The following BFAR variants were observed in gnomAD, a reference collection of about 807,000 sequenced individuals.
The protein encoded by BFAR is RING finger protein 47.
In BFAR, 52 loss-of-function variants were observed where a neutral mutation model predicts 54.4. That is an observed-to-expected ratio of 0.96 (90% CI 0.77 to 1.21). The LOEUF (loss-of-function observed/expected upper bound fraction) is 1.21. BFAR is among the 50% of genes most tolerant of loss of function. BFAR has a pLI of 0.00. For synonymous variants in BFAR, 215 were observed against 204.3 expected, an observed-to-expected ratio of 1.05 and a Z score of -0.45; for missense variants, 571 against 534.0, an observed-to-expected ratio of 1.07 and a Z score of -0.68.
chr16:14,655,185 C>T lies in BFAR; in HGVS notation c.758C>T (p.Pro253Leu), dbSNP rs142229539. 1.3e-4 allele frequency: 207 copies of T among 1,551,052 alleles called. 1 individual carries two copies. The highest frequency in any genetic ancestry group is 1.6e-4 in the Non-Finnish European group (188 of 1,151,300). Reference protein sequence around the residue: ...LERVKALGVKPPQNLWEYKAV... With the variant: ...LERVKALGVKLPQNLWEYKAV... ...CGTGTCAAAGCATTAGGCGTGAAGC[C>T]CCCCCAGAATCTCTGGGAATATAAG... The change falls in exon 5 of 8, where the codon CCC becomes CTC. Residue 253 changes from proline (P) to leucine (L), a missense_variant. Pro to Leu is a moderately conservative substitution (Grantham distance 98). Coordinates refer to ENST00000261658, the MANE Select transcript of BFAR (RefSeq NM_016561.3).
At chr16:14,656,876 G>T (rs1018120033) in intron 5 of BFAR, among the ~76,000 whole-genome samples, 3 of 152,010 alleles carry the variant, frequency 2.0e-5, no homozygotes, top group African/African-American at 7.3e-5. Context: ...GCCGAGGCAG[G>T]CTGATCACTT....
chr16:14,664,408 AAAC>A (rs1481581883), intron 6 of BFAR, among the ~76,000 whole-genome samples: 1 of 151,834 alleles, frequency 6.6e-6, no homozygotes, highest in African/African-American at 2.4e-5. Flanking sequence ...AAAAAAAAAA[AAAC>A]AATTACAAGA....
At chr16:14,639,369 G>A (rs1959552198) in intron 1 of BFAR, among the ~76,000 whole-genome samples, 1 of 151,862 alleles carries the variant, frequency 6.6e-6, no homozygotes, top group Admixed American at 6.6e-5. Flanking sequence ...GTGCAGTGGT[G>A]CAATCTTGTA....
intron 6 of BFAR, among the ~76,000 whole-genome samples, chr16:14,662,352 G>T (rs980332470): frequency 1.3e-5 from 2 of 151,828 alleles, no homozygotes; most frequent in African/African-American, 4.8e-5. Flanking sequence ...TTCCCCCAAA[G>T]ACCCTTGTAA....
chr16:14,648,626 C>T (rs766792838), intron 3 of BFAR, 34 bp downstream of exon 3: 11 of 1,283,896 alleles, frequency 8.6e-6, no homozygotes, highest in African/African-American at 3.2e-5. Flanking sequence ...TGTGCCCCCC[C>T]ACACCTCACC....
At chr16:14,663,578 T>G (rs1360040441) in intron 6 of BFAR, among the ~76,000 whole-genome samples, 1 of 149,018 alleles carries the variant, frequency 6.7e-6, no homozygotes, top group Non-Finnish European at 1.5e-5. Context: ...TAATCCGCCC[T>G]CCTCAGCCTC....
At chr16:14,664,082 A>C (rs936587762) in intron 6 of BFAR, among the ~76,000 whole-genome samples, 2 of 152,116 alleles carry the variant, frequency 1.3e-5, no homozygotes, top group Admixed American at 1.3e-4. Flanking sequence ...GTCTCTACTA[A>C]AAATACAAAA....
At chr16:14,655,383 G>A (rs369066947) in intron 5 of BFAR, among the ~76,000 whole-genome samples, 173 bp downstream of exon 5, 35 of 151,110 alleles carry the variant, frequency 2.3e-4, no homozygotes, top group African/African-American at 6.8e-4. Flanking sequence ...GTGCAATGGC[G>A]CAATCTCAGC....
chr16:14,642,430 CTG>C (rs1236809924), intron 1 of BFAR, among the ~76,000 whole-genome samples: 1 of 152,116 alleles, frequency 6.6e-6, no homozygotes, highest in African/African-American at 2.4e-5. Flanking sequence ...ACTCCAAGAT[CTG>C]TGTCATACTA....
At chr16:14,666,507 G>A (rs1720398938) in intron 7 of BFAR, among the ~76,000 whole-genome samples, 1 of 152,066 alleles carries the variant, frequency 6.6e-6, no homozygotes, top group African/African-American at 2.4e-5. Flanking sequence ...GAGAGGTGGA[G>A]GTTGCAGTGA....
At chr16:14,667,337 G>T in intron 7 of BFAR, 1 of 393,238 alleles carries the variant, frequency 2.5e-6, no homozygotes, top group Non-Finnish European at 4.6e-6. Flanking sequence ...ATGAGACCCT[G>T]TCTCAAAAGG....
At chr16:14,665,136 C>T in intron 7 of BFAR, 65 bp downstream of exon 7, 11 of 1,427,280 alleles carry the variant, frequency 7.7e-6, no homozygotes, top group Non-Finnish European at 1.1e-5. Flanking sequence ...AGAGAAAGAT[C>T]CTCTTTTATT....
intron 1 of BFAR, among the ~76,000 whole-genome samples, chr16:14,639,789 C>G (rs941094653): frequency 6.6e-6 from 1 of 152,142 alleles, no homozygotes; most frequent in Non-Finnish European, 1.5e-5. Flanking sequence ...TGTCCAGATC[C>G]TCAGAGATTA....
intron 7 of BFAR, among the ~76,000 whole-genome samples, chr16:14,666,248 A>G (rs148291489): frequency 6.6e-6 from 1 of 152,302 alleles, no homozygotes; most frequent in East Asian, 1.9e-4. Flanking sequence ...ACCACATGGA[A>G]AAGAACAAAG....
intron 7 of BFAR, among the ~76,000 whole-genome samples, chr16:14,665,914 A>T (rs1309932096): frequency 6.6e-6 from 1 of 152,154 alleles, no homozygotes. Flanking sequence ...ATCTGTAACC[A>T]ACTAGGATAA....
chr16:14,660,034 G>A (rs1246558232), intron 5 of BFAR, among the ~76,000 whole-genome samples: 1 of 152,102 alleles, frequency 6.6e-6, no homozygotes, highest in East Asian at 1.9e-4. Context: ...TTTCACATAT[G>A]CACACCCATG....
intron 3 of BFAR, 23 bp downstream of exon 3, chr16:14,648,615 C>G (rs369481987): frequency 7.4e-5 from 117 of 1,585,888 alleles, no homozygotes; most frequent in Non-Finnish European, 9.3e-5. Flanking sequence ...CTGTGTTCCT[C>G]TGTGCCCCCC....
At chr16:14,645,449 A>G (rs2151837679) in intron 2 of BFAR, among the ~76,000 whole-genome samples, 1 of 152,350 alleles carries the variant, frequency 6.6e-6, no homozygotes, top group South Asian at 2.1e-4. Flanking sequence ...CATGTGTAGC[A>G]TCACAGTGCC....
intron 3 of BFAR, 57 bp from the exon 4 acceptor site, chr16:14,649,747 T>C (rs777691307): frequency 2.3e-5 from 34 of 1,474,336 alleles, no homozygotes; most frequent in Non-Finnish European, 3.0e-5. Context: ...ACCCGCATAT[T>C]TAGAAACTGG....
Sources: allele counts gnomAD v4.1 joint callset (sites outside exome capture counted in the v4.1 genomes callset), GRCh38; gene constraint gnomAD v4.1.1; transcripts MANE v1.5; gene names NCBI Gene and HGNC (gene_info 2026-07-23, HGNC 2026-07-21).